EGLN1: variants seen among roughly 807,000 people sequenced by gnomAD.
The protein encoded by EGLN1 is egl-9 family hypoxia inducible factor 1.
A neutral mutation model predicts 38.3 loss-of-function variants in EGLN1; 17 were observed. That is an observed-to-expected ratio of 0.44 (90% CI 0.30 to 0.67). The LOEUF is 0.67. EGLN1 is among the 30% of genes least tolerant of loss of function. The pLI is 0.08. For missense variants in EGLN1, 477 were observed against 603.3 expected (o/e 0.79, Z 2.19); for synonymous variants, 283 against 257.5 (o/e 1.10, Z -0.95).
chr1:231,410,420 A>G (rs1019378238), intron 1 of EGLN1, among the ~76,000 whole-genome samples: 20 of 152,198 alleles, frequency 1.3e-4, no homozygotes, highest in Admixed American at 1.2e-3. Context: ...CCTTAGAAGG[A>G]GACCACACAC....
intron 1 of EGLN1, among the ~76,000 whole-genome samples, chr1:231,411,712 T>C (rs370120661): frequency 7.8e-4 from 119 of 152,158 alleles, no homozygotes; most frequent in African/African-American, 2.6e-3. Context: ...AAGTCCTGGA[T>C]AGTAGGCCGG....
At chr1:231,389,807 G>A (rs2102913600) in intron 1 of EGLN1, among the ~76,000 whole-genome samples, 1 of 152,292 alleles carries the variant, frequency 6.6e-6, no homozygotes, top group Non-Finnish European at 1.5e-5. Flanking sequence ...AATCAGCTGG[G>A]TGTGGTGGCA....
At chr1:231,378,137 A>G (rs1015019092) in intron 1 of EGLN1, among the ~76,000 whole-genome samples, 2 of 152,170 alleles carry the variant, frequency 1.3e-5, no homozygotes, top group African/African-American at 4.8e-5. Context: ...AGAGGGGATG[A>G]GTGCTCCACA....
intron 1 of EGLN1, among the ~76,000 whole-genome samples, chr1:231,394,602 G>A (rs1688475340): frequency 6.6e-6 from 1 of 150,726 alleles, no homozygotes; most frequent in Admixed American, 6.6e-5. Flanking sequence ...TGTTAGCCAG[G>A]ATGGTCTCGA....
rs1008153153 is a variant in EGLN1, at chr1:231,421,635, G to A, written c.254C>T (p.Pro85Leu). Reference sequence around the variant, plus strand: ...GGGCTCCCGGGCCCCGGCCCTGGGCGGCGGCACTGCAGCCGGCGGCGCGGG... The same window carrying A: ...GGGCTCCCGGGCCCCGGCCCTGGGCAGCGGCACTGCAGCCGGCGGCGCGGG... ...SGPAPPAAVP[P>L]PRAGAREPRK... The change falls in exon 1 of 5, where the codon CCG (proline) becomes CTG (leucine). Residue 85 changes from proline (P) to leucine (L), a missense_variant. This residue lies in a region of EGLN1 where 298 missense variants were observed against 288.9 expected (regional missense o/e 1.03). Coordinates refer to ENST00000366641, the MANE Select transcript of EGLN1 (RefSeq NM_022051.3). The surrounding 1 kb of genome is among the most constrained non-coding windows in gnomAD (Gnocchi z 5.5). 7.6e-6 allele frequency: 11 copies of A among 1,438,670 alleles called. No homozygotes were observed. Among genetic ancestry groups the A allele is most frequent in the Non-Finnish European group, 1.0e-5 (11 of 1,099,288 alleles). The allele number at this position is 1,438,670 out of a possible 1,614,324, so 89.1% of individuals were successfully genotyped here.
chr1:231,421,052 C>G lies in EGLN1; in HGVS notation c.837G>C (p.Leu279=), dbSNP rs1406991612. Reference sequence around the variant, plus strand: ...CCAGCTTCCCGTTACAGTGGCGTATCAGGTCGTCCATGCTGCTCATGAGCA... The same window carrying G: ...CCAGCTTCCCGTTACAGTGGCGTATGAGGTCGTCCATGCTGCTCATGAGCA... ...IGLLMSSMDD[L]IRHCNGKLGS... is the part of the protein sequence containing the mutation. The change falls in exon 1 of 5, where the codon CTG becomes CTC. Residue 279 remains leucine (L), a synonymous_variant. Coordinates refer to ENST00000366641, the MANE Select transcript of EGLN1 (RefSeq NM_022051.3). The surrounding 1 kb of genome is among the most constrained non-coding windows in gnomAD (Gnocchi z 5.5). The G allele has an allele frequency of 6.2e-7, 1 of 1,614,142 alleles. No individual in the cohort carries two copies. Among genetic ancestry groups the G allele is most frequent in the Non-Finnish European group, 8.5e-7 (1 of 1,180,026 alleles).
intron 1 of EGLN1, among the ~76,000 whole-genome samples, chr1:231,409,999 A>G (rs1688895511): frequency 1.3e-5 from 2 of 152,180 alleles, no homozygotes; most frequent in South Asian, 2.1e-4. Context: ...GGGGAAAAAA[A>G]GTGTAGACTA....
intron 1 of EGLN1, among the ~76,000 whole-genome samples, chr1:231,404,797 A>T (rs2790872): frequency 0.6 from 91,869 of 151,914 alleles, 28,080 homozygotes; most frequent in Non-Finnish European, 0.65. Flanking sequence ...CTTGACTTCA[A>T]TCTGCTAACG....
In EGLN1 at chr1:231,421,828, A is replaced by G; in HGVS notation, c.61T>C (p.Cys21Arg). ...TTCTCCATCTTCCCGCACAGCTCGC[A>G]GTACTGCCGGTCTCGCTCGCTCGGG... Reference protein sequence around the residue: ...PSPSERDRQYCELCGKMENLL... With the variant: ...PSPSERDRQYRELCGKMENLL... The change falls in exon 1 of 5, where the codon TGC becomes CGC. Residue 21 changes from cysteine to arginine, a missense_variant. This residue lies in a region of EGLN1 where 298 missense variants were observed against 288.9 expected (regional missense o/e 1.03). Transcript: ENST00000366641. This position sits in a 1 kb window ranked among gnomAD's most constrained non-coding sequence, Gnocchi z 5.5. The G allele has an allele frequency of 6.5e-7, 1 of 1,531,656 alleles. No homozygotes were observed. Among genetic ancestry groups the G allele is most frequent in the Non-Finnish European group, 8.7e-7 (1 of 1,150,002 alleles). The allele number at this position is 1,531,656 out of a possible 1,614,324, so 94.9% of individuals were successfully genotyped here. A position where few individuals can be genotyped will look rare whatever the true frequency, so the allele number is the denominator to read the frequency against.
At chr1:231,366,652 G>A (rs1203813407) in intron 4 of EGLN1, among the ~76,000 whole-genome samples, 177 bp from the exon 5 acceptor site, 1 of 152,136 alleles carries the variant, frequency 6.6e-6, no homozygotes, top group East Asian at 1.9e-4. Flanking sequence ...TTGTGATGAG[G>A]TTTCAAATAG....
intron 1 of EGLN1, among the ~76,000 whole-genome samples, chr1:231,408,076 T>G (rs1473128318): frequency 6.6e-6 from 1 of 152,130 alleles, no homozygotes. Flanking sequence ...GACAGAATAG[T>G]ATAAAACCTT....
At chr1:231,399,858 A>C (rs1254997414) in intron 1 of EGLN1, among the ~76,000 whole-genome samples, 1 of 152,124 alleles carries the variant, frequency 6.6e-6, no homozygotes, top group East Asian at 1.9e-4. Context: ...AAGGAGAAAA[A>C]CACAGGAGAG....
At chr1:231,418,938 C>T (rs916454436) in intron 1 of EGLN1, among the ~76,000 whole-genome samples, 1 of 151,854 alleles carries the variant, frequency 6.6e-6, no homozygotes, top group African/African-American at 2.4e-5. Flanking sequence ...TGGTTGGTTG[C>T]TCAATATACG....
At chr1:231,413,315 A>C (rs930026654) in intron 1 of EGLN1, among the ~76,000 whole-genome samples, 3 of 152,052 alleles carry the variant, frequency 2.0e-5, no homozygotes, top group African/African-American at 7.2e-5. Flanking sequence ...ACCTCAAGTG[A>C]TCCGCCCACC....
At chr1:231,370,842 T>G in intron 2 of EGLN1, 144 bp from the exon 3 acceptor site, 1 of 946,970 alleles carries the variant, frequency 1.1e-6, no homozygotes, top group Non-Finnish European at 1.6e-6. Flanking sequence ...GAGCTGCAAT[T>G]TTAAAAGTAT....
intron 1 of EGLN1, among the ~76,000 whole-genome samples, chr1:231,392,830 G>A (rs948057844): frequency 6.6e-6 from 1 of 152,188 alleles, no homozygotes; most frequent in African/African-American, 2.4e-5. Flanking sequence ...TGGACAAGCA[G>A]CTTTTGTTTG....
intron 1 of EGLN1, among the ~76,000 whole-genome samples, chr1:231,380,135 G>A (rs1477910360): frequency 6.6e-6 from 1 of 152,106 alleles, no homozygotes; most frequent in Non-Finnish European, 1.5e-5. Context: ...CTGAAGCCGT[G>A]TGCCTGCCAC....
At position 231,366,313 on chromosome 1, in the gene EGLN1, GGT is replaced by G; in HGVS notation, c.*96_*97del. On this transcript the variant is annotated 3_prime_UTR_variant, in exon 5 of 5. Coordinates refer to ENST00000366641, the MANE Select transcript of EGLN1 (RefSeq NM_022051.3). ...CTGTTTCCTTATTAAAATGCGAACT[GGT>G]TGTCTATTTTTCTTTATCCCATTTA... The G allele has an allele frequency of 2.2e-6, 3 of 1,349,238 alleles. No homozygotes were observed. The South Asian group carries it at 3.6e-5, about 16-fold the overall frequency. 83.6% of individuals were successfully genotyped at this position (1,349,238 alleles called of 1,614,324 possible).
At position 231,373,972 on chromosome 1, in the gene EGLN1, T is replaced by A; in HGVS notation, c.1011+8A>T. 1 of 1,613,678 alleles carries A rather than the reference T, an allele frequency of 6.2e-7. No individual in the cohort carries two copies. The highest frequency in any genetic ancestry group is 8.5e-7 in the Non-Finnish European group (1 of 1,179,736). On this transcript the variant is annotated splice_region_variant and intron_variant, in intron 2 of 4. Coordinates refer to ENST00000366641, the MANE Select transcript of EGLN1 (RefSeq NM_022051.3). ...AGAAAAAAATAAATGCTCAATTAAG[T>A]TGCATACCTTGGCATCCCAGTCTTT... is the stretch of plus-strand genomic sequence containing the variant.
Sources: allele counts gnomAD v4.1 joint callset (sites outside exome capture counted in the v4.1 genomes callset), GRCh38; gene constraint gnomAD v4.1.1; regional missense constraint gnomAD v4.1.1; non-coding constraint Gnocchi (gnomAD v3.1); transcripts MANE v1.5; gene names NCBI Gene and HGNC (gene_info 2026-07-23, HGNC 2026-07-21).